DPP6: variants seen among roughly 807,000 people sequenced by gnomAD.
The protein encoded by DPP6 is A-type potassium channel modulatory protein DPP6.
DPP6 carries 69 observed loss-of-function variants against 122.6 expected under a neutral mutation model. The ratio of observed to expected loss-of-function variants is 0.56; its 90% CI spans 0.46 to 0.69. The LOEUF (loss-of-function observed/expected upper bound fraction) is 0.69. Ranked by LOEUF, DPP6 falls within the 30% of genes least tolerant of loss-of-function variation. DPP6 has a pLI of 0.00. For synonymous variants in DPP6, 418 were observed against 433.1 expected, an observed-to-expected ratio of 0.97 and a Z score of 0.43; for missense variants, 928 against 1,116.9, an observed-to-expected ratio of 0.83 and a Z score of 2.41.
At chr7:154,789,576 C>T (rs1797546835) in intron 10 of DPP6, among the ~76,000 whole-genome samples, 1 of 152,202 alleles carries the variant, frequency 6.6e-6, no homozygotes. Flanking sequence ...CTGTGTGTCT[C>T]TTTAGACATG....
intron 1 of DPP6, among the ~76,000 whole-genome samples, chr7:154,286,873 T>C (rs931219474): frequency 3.3e-5 from 5 of 151,332 alleles, no homozygotes; most frequent in Non-Finnish European, 7.4e-5. Context: ...TGGAGCTATC[T>C]TGGCTCATTG....
chr7:154,391,568 C>T (rs560477935), intron 1 of DPP6, among the ~76,000 whole-genome samples: 1 of 152,278 alleles, frequency 6.6e-6, no homozygotes, highest in African/African-American at 2.4e-5. Flanking sequence ...TCCCTTAGTC[C>T]ATCATTTGGG....
intron 1 of DPP6, among the ~76,000 whole-genome samples, chr7:154,060,096 G>C (rs1253062826): frequency 1.1e-4 from 16 of 149,732 alleles, no homozygotes; most frequent in Admixed American, 2.0e-4. Flanking sequence ...TCGCAGGGGG[G>C]GAGGCAATCC....
At chr7:153,858,883 G>T in the DPP6 span, among the ~76,000 whole-genome samples, 2 of 152,166 alleles carry the variant, frequency 1.3e-5, no homozygotes, top group Admixed American at 1.3e-4. Context: ...GCATCACGCT[G>T]TCTTGTGACA....
In DPP6 at chr7:154,717,931, G is replaced by T. The variant is rs147576793; in HGVS notation, c.763-9836G>T. Among the ~76,000 whole-genome samples the T allele has an allele frequency of 5.9e-5, 9 of 152,260 alleles. No individual in the cohort carries two copies. The East Asian group carries it at 1.7e-3, about 29-fold the overall frequency. ...AGCATTTGTTAATTTTTGTCTTTCT[G>T]ATAACAGCCATTCTAACGGGGGTGA... On this transcript the variant is annotated intron_variant, in intron 7 of 25. Coordinates refer to ENST00000377770, the MANE Select transcript of DPP6 (RefSeq NM_130797.4).
intron 1 of DPP6, among the ~76,000 whole-genome samples, chr7:154,417,574 A>G (rs780481769): frequency 7.2e-5 from 11 of 151,822 alleles, no homozygotes; most frequent in Non-Finnish European, 1.6e-4. Context: ...CCCCGCTCCC[A>G]GAAGCGAAGA....
Position 154,446,237 on chromosome 7 carries a change from G to T in DPP6, c.267G>T (p.Pro89=). The change falls in exon 2 of 26, where the codon CCG becomes CCT. Residue 89 remains proline, a synonymous_variant. Transcript: ENST00000377770. ...EEDELVGSNP[P]QRNWKGIAIA... ...AGGAGCTGGTGGGGAGTAACCCTCC[G>T]CAGAGGAATTGGAAAGGAATAGCAA... 1 of 1,608,150 alleles carries T rather than the reference G, an allele frequency of 6.2e-7. No individual in the cohort carries two copies. Among genetic ancestry groups the T allele is most frequent in the Non-Finnish European group, 8.5e-7 (1 of 1,177,038 alleles).
the DPP6 span, among the ~76,000 whole-genome samples, chr7:153,766,298 A>C: frequency 6.6e-6 from 1 of 152,190 alleles, no homozygotes; most frequent in Non-Finnish European, 1.5e-5. Context: ...GACTTTTGCT[A>C]TGTGGCCATT....
At chr7:154,060,575 C>T (rs193076182) in intron 1 of DPP6, among the ~76,000 whole-genome samples, 25 of 118,044 alleles carry the variant, frequency 2.1e-4, no homozygotes, top group African/African-American at 7.2e-4. Context: ...AGGTACCTTA[C>T]GTGGGATTAC....
In DPP6 at chr7:154,643,474, T is replaced by C. The variant is rs866908956; in HGVS notation, c.680+5601T>C. Among the ~76,000 whole-genome samples the C allele has an allele frequency of 8.1e-3, 1,205 of 149,342 alleles. 15 individuals are homozygous for C. The highest frequency in any genetic ancestry group is 0.028 in the African/African-American group (1,125 of 40,470). On this transcript the variant is annotated intron_variant, in intron 6 of 25. Coordinates refer to ENST00000377770, the MANE Select transcript of DPP6 (RefSeq NM_130797.4). Reference sequence around the variant, plus strand: ...CTGTTAAGTGAGTAATTTCTTTTTTTTTTTTTTTTTTTGAGACAGAGTCTC... The same window carrying C: ...CTGTTAAGTGAGTAATTTCTTTTTTCTTTTTTTTTTTTGAGACAGAGTCTC...
chr7:154,746,985 G>A (rs1169657455), intron 8 of DPP6, among the ~76,000 whole-genome samples: 2 of 152,162 alleles, frequency 1.3e-5, no homozygotes, highest in South Asian at 2.1e-4. Flanking sequence ...GGGACCATTC[G>A]TAGCTGATAA....
At chr7:154,131,974 T>A (rs1585445532) in intron 1 of DPP6, among the ~76,000 whole-genome samples, 2 of 152,334 alleles carry the variant, frequency 1.3e-5, no homozygotes, top group East Asian at 1.9e-4. Context: ...ACACAACTTT[T>A]TCCTCCCAAT....
At chr7:154,291,756 A>G (rs1805227179) in intron 1 of DPP6, among the ~76,000 whole-genome samples, 1 of 152,242 alleles carries the variant, frequency 6.6e-6, no homozygotes, top group Non-Finnish European at 1.5e-5. Context: ...CCAATTGACC[A>G]TGTTTTACCA....
At chr7:153,969,036 C>T (rs1421781074) in intron 1 of DPP6, among the ~76,000 whole-genome samples, 2 of 151,118 alleles carry the variant, frequency 1.3e-5, no homozygotes, top group African/African-American at 4.9e-5. Context: ...CACTTTGTGG[C>T]TATTATGAGT....
intron 1 of DPP6, among the ~76,000 whole-genome samples, chr7:154,191,988 A>C (rs1798637452): frequency 6.6e-6 from 1 of 152,234 alleles, no homozygotes; most frequent in African/African-American, 2.4e-5. Context: ...AGGAGAAAAA[A>C]AACCACACAC....
At chr7:154,342,645 A>T in intron 1 of DPP6, among the ~76,000 whole-genome samples, 1 of 152,232 alleles carries the variant, frequency 6.6e-6, no homozygotes, top group East Asian at 1.9e-4. Flanking sequence ...AATGCCTGTT[A>T]TCCAGGAACT....
chr7:153,809,489 C>T, the DPP6 span, among the ~76,000 whole-genome samples: 1 of 152,130 alleles, frequency 6.6e-6, no homozygotes, highest in Non-Finnish European at 1.5e-5. Context: ...GCAAGCAGTT[C>T]GTAGTCTTGT....
rs1201502820 is a variant in DPP6 at position 154,663,169 on chromosome 7, T to C, written c.681-6191T>C. On this transcript the variant is annotated intron_variant, in intron 6 of 25. Transcript: ENST00000377770. The stretch of plus-strand genomic sequence containing the variant: ...GTCATGGTGAATCACCATGGCGTAT[T>C]GGCGGTAGTGTTCATATAGTCATGG... Among the ~76,000 whole-genome samples the C allele has an allele frequency of 8.1e-5, 6 of 74,184 alleles. 1 individual carries two copies. Among genetic ancestry groups the C allele is most frequent in the African/African-American group, 1.4e-4 (4 of 27,946 alleles). The allele number at this position is 74,184 out of a possible 152,430, so 48.7% of individuals were successfully genotyped here.
intron 1 of DPP6, among the ~76,000 whole-genome samples, chr7:153,915,974 TA>T (rs1800289987): frequency 6.6e-6 from 1 of 151,750 alleles, no homozygotes; most frequent in African/African-American, 2.4e-5. Flanking sequence ...TTTATTTATT[TA>T]TTTATTTTCG....
Sources: allele counts gnomAD v4.1 joint callset (sites outside exome capture counted in the v4.1 genomes callset), GRCh38; gene constraint gnomAD v4.1.1; transcripts MANE v1.5; gene names NCBI Gene and HGNC (gene_info 2026-07-23, HGNC 2026-07-21).